MEI4: variants seen among roughly 807,000 people sequenced by gnomAD.
MEI4 encodes meiotic double-stranded break formation protein 4, also known as meiosis-specific protein MEI4.
MEI4 carries 27 observed loss-of-function variants against 31.4 expected under a neutral mutation model. That is an observed-to-expected ratio of 0.86 (90% CI 0.63 to 1.19). MEI4 has a LOEUF of 1.19. Among genes scored for constraint, MEI4 ranks in the 50% most tolerant of loss-of-function variants. The pLI is 0.00. For missense variants in MEI4, 329 were observed against 398.9 expected (o/e 0.82, Z 1.49); for synonymous variants, 122 against 145.4 (o/e 0.84, Z 1.16).
chr6:77,783,966 T>G (rs1768665189), intron 3 of MEI4, among the ~76,000 whole-genome samples: 1 of 152,140 alleles, frequency 6.6e-6, no homozygotes. Flanking sequence ...AATCTAATCT[T>G]AAATAATTGA....
intron 3 of MEI4, among the ~76,000 whole-genome samples, chr6:77,771,088 C>A (rs915152069): frequency 6.6e-6 from 1 of 151,814 alleles, no homozygotes; most frequent in South Asian, 2.1e-4. Flanking sequence ...AACAAATTTA[C>A]AAACAAAAAA....
At position 77,825,101 on chromosome 6, in the gene MEI4, A is replaced by C. The variant is rs533315338; in HGVS notation, c.769-3830A>C. ...ATATTCTTATAATTTGATGTATCTG[A>C]TATTAGAAATGTGTATACATCTTTA... On this transcript the variant is annotated intron_variant, in intron 3 of 4. Transcript: ENST00000684080. Among the ~76,000 whole-genome samples, 4 of 152,248 alleles carry C rather than the reference A, an allele frequency of 2.6e-5. No individual in the cohort carries two copies. In the East Asian group the frequency reaches 7.7e-4, roughly 29 times the overall value.
intron 2 of MEI4, among the ~76,000 whole-genome samples, chr6:77,699,189 CTTTTT>C (rs70974682): frequency 3.5e-5 from 4 of 113,788 alleles, no homozygotes; most frequent in Non-Finnish European, 6.8e-5. Context: ...TTCAAAGTTT[CTTTTT>C]TTTTTTTTTT....
intron 1 of MEI4, among the ~76,000 whole-genome samples, chr6:77,667,216 G>T (rs1028351610): frequency 6.6e-6 from 1 of 151,984 alleles, no homozygotes; most frequent in Non-Finnish European, 1.5e-5. Context: ...ATGAGTAAAT[G>T]AATATAAAGT....
At chr6:77,822,521 G>C (rs62427313) in intron 3 of MEI4, among the ~76,000 whole-genome samples, 1 of 151,662 alleles carries the variant, frequency 6.6e-6, no homozygotes, top group East Asian at 1.9e-4. Flanking sequence ...ATACATTGAC[G>C]TGTTAATTCT....
intron 2 of MEI4, among the ~76,000 whole-genome samples, chr6:77,708,060 G>T (rs557612941): frequency 6.6e-6 from 1 of 152,306 alleles, no homozygotes; most frequent in South Asian, 2.1e-4. Flanking sequence ...TCCCACTGGG[G>T]CACTGTCTAG....
chr6:77,820,878 G>A lies in MEI4; in HGVS notation c.769-8053G>A, dbSNP rs7765599. Among the ~76,000 whole-genome samples, 83,527 of 151,674 alleles carry A rather than the reference G, an allele frequency of 0.55. 25,205 individuals carry two copies. Among genetic ancestry groups the A allele is most frequent in the African/African-American group, 0.79 (32,812 of 41,460 alleles). On this transcript the variant is annotated intron_variant, in intron 3 of 4. Transcript: ENST00000684080. The surrounding 1 kb of genome is among the most constrained non-coding windows in gnomAD (Gnocchi z 4.5). ...ACTTTCTTCCATTATTTTTTCCCAT[G>A]TCGTTTCTTCTCCAGTAGTCTCTCT...
intron 2 of MEI4, among the ~76,000 whole-genome samples, chr6:77,732,467 C>T (rs1300618972): frequency 2.6e-5 from 4 of 152,000 alleles, no homozygotes; most frequent in African/African-American, 4.8e-5. Flanking sequence ...GTGATTTTTG[C>T]ACATTGATCT....
At chr6:77,801,370 TTC>T (rs1342412593) in intron 3 of MEI4, among the ~76,000 whole-genome samples, 2 of 151,636 alleles carry the variant, frequency 1.3e-5, no homozygotes, top group African/African-American at 4.8e-5. Context: ...ACGTCTATTC[TTC>T]TCTGTTTTCT....
intron 2 of MEI4, among the ~76,000 whole-genome samples, chr6:77,693,965 A>T (rs911613076): frequency 6.6e-6 from 1 of 152,160 alleles, no homozygotes; most frequent in Non-Finnish European, 1.5e-5. Flanking sequence ...GATTGAGAGG[A>T]TGGGGAATTC....
chr6:77,877,619 C>CT (rs1457828333), intron 4 of MEI4, among the ~76,000 whole-genome samples: 1 of 151,422 alleles, frequency 6.6e-6, no homozygotes, highest in Non-Finnish European at 1.5e-5. Flanking sequence ...AGCTCTGGCC[C>CT]TTTACAAAAT....
At chr6:77,849,813 T>TA (rs1450228041) in intron 4 of MEI4, among the ~76,000 whole-genome samples, 1 of 152,174 alleles carries the variant, frequency 6.6e-6, no homozygotes, top group East Asian at 1.9e-4. Context: ...TTGATGTCAA[T>TA]ATGTCACTTT....
At chr6:77,817,023 A>G (rs930245567) in intron 3 of MEI4, among the ~76,000 whole-genome samples, 15 of 149,266 alleles carry the variant, frequency 1.0e-4, no homozygotes, top group African/African-American at 2.7e-4. Flanking sequence ...GTGTGTGTGT[A>G]TGTGTGTGTG....
At chr6:77,851,006 C>T (rs1384320755) in intron 4 of MEI4, among the ~76,000 whole-genome samples, 1 of 152,186 alleles carries the variant, frequency 6.6e-6, no homozygotes, top group East Asian at 1.9e-4. Context: ...CAAAAGAAGA[C>T]ATTTATGCAG....
chr6:77,896,173 CAG>C lies in MEI4; in HGVS notation c.901-26913_901-26912del, dbSNP rs1480246902. 1.0e-3 allele frequency among the ~76,000 whole-genome samples: 155 copies of C among 152,186 alleles called. 1 individual carries two copies. Among genetic ancestry groups the C allele is most frequent in the Non-Finnish European group, 1.0e-4 (7 of 67,986 alleles). On this transcript the variant is annotated intron_variant, in intron 4 of 4. Coordinates refer to ENST00000684080, the MANE Select transcript of MEI4 (RefSeq NM_001322247.2). ...CACTAACTAAAGAGATTTCTGAGAACAGAGGAATGCAAGCTCTATCTATTATG... is the reference window on the plus strand; with the variant it reads ...CACTAACTAAAGAGATTTCTGAGAACAGGAATGCAAGCTCTATCTATTATG...
intron 4 of MEI4, among the ~76,000 whole-genome samples, chr6:77,920,700 AC>A (rs1457399742): frequency 6.6e-6 from 1 of 151,912 alleles, no homozygotes; most frequent in Non-Finnish European, 1.5e-5. Context: ...AGACTTATAA[AC>A]AAAAATTACT....
At chr6:77,909,013 T>G (rs9443487) in intron 4 of MEI4, among the ~76,000 whole-genome samples, 1 of 151,772 alleles carries the variant, frequency 6.6e-6, no homozygotes. Context: ...CTAATAGACA[T>G]CTACAGAACT....
chr6:77,750,174 T>C (rs12386540), intron 2 of MEI4, among the ~76,000 whole-genome samples: 1,576 of 152,148 alleles, frequency 0.01, 28 homozygotes, highest in African/African-American at 0.036. Flanking sequence ...ACATACCAAA[T>C]TGTAAAGACT....
intron 4 of MEI4, among the ~76,000 whole-genome samples, chr6:77,845,381 A>C (rs1206181158): frequency 6.6e-6 from 1 of 151,946 alleles, no homozygotes; most frequent in Non-Finnish European, 1.5e-5. Flanking sequence ...TGTGAGGGGG[A>C]GTGTGTTTAT....
Sources: gnomAD v4.1 joint callset for allele counts (sites outside exome capture counted in the v4.1 genomes callset) on GRCh38, gnomAD v4.1.1 for gene constraint, Gnocchi (gnomAD v3.1) non-coding constraint, MANE v1.5 for transcripts, NCBI Gene and HGNC (gene_info 2026-07-23, HGNC 2026-07-21) for gene names.